The following RASSF6 variants were observed in gnomAD, a reference collection of about 807,000 sequenced individuals.
RASSF6 encodes Ras association domain family member 6, also known as ras association domain-containing protein 6.
RASSF6 carries 52 observed loss-of-function variants against 44.0 expected under a neutral mutation model. The ratio of observed to expected loss-of-function variants is 1.18; its 90% CI spans 0.95 to 1.49. RASSF6 has a LOEUF of 1.49. Ranked by LOEUF, RASSF6 falls within the 40% of genes most tolerant of loss-of-function variation. The pLI, the probability that RASSF6 is intolerant of heterozygous loss-of-function variation, is 0.00. For missense variants in RASSF6, 464 were observed against 393.3 expected (o/e 1.18, Z -1.52); for synonymous variants, 162 against 124.6 (o/e 1.30, Z -2.00).
chr4:73,611,714 A>C lies in RASSF6; in HGVS notation c.65+17T>G. 6.6e-7 allele frequency: 1 copy of C among 1,518,792 alleles called. No individual in the cohort carries two copies. Among genetic ancestry groups the C allele is most frequent in the Non-Finnish European group, 9.1e-7 (1 of 1,094,328 alleles). 94.1% of individuals were successfully genotyped at this position (1,518,792 alleles called of 1,614,324 possible). On this transcript the variant is annotated intron_variant, in intron 2 of 10. Transcript: ENST00000307439. The stretch of plus-strand genomic sequence containing the variant: ...ACTGGTGAGTAGGACAATGTATAAT[A>C]TAAGGTGTGTGGTTACCTGGTTATG...
chr4:73,582,155 T>C (rs754277254), intron 7 of RASSF6, 34 bp downstream of exon 7: 5 of 940,952 alleles, frequency 5.3e-6, no homozygotes, highest in South Asian at 1.6e-5. Flanking sequence ...TTATATATAA[T>C]ATATTTATAG....
chr4:73,618,099 G>A (rs1475743540), intron 1 of RASSF6, among the ~76,000 whole-genome samples: 2 of 152,032 alleles, frequency 1.3e-5, no homozygotes, highest in Non-Finnish European at 2.9e-5. Flanking sequence ...TTACATACAT[G>A]TTACACTATT....
chr4:73,574,111 C>A lies in RASSF6; in HGVS notation c.*2124G>T, dbSNP rs1047641467. On this transcript the variant is annotated 3_prime_UTR_variant, in exon 11 of 11. Coordinates refer to ENST00000307439, the MANE Select transcript of RASSF6 (RefSeq NM_177532.5). Reference sequence around the variant, plus strand: ...TATAACCTGGAGCCACAGTGCAAGCCGGTCCTGAAGCTCCAATTGCTGCTC... The same window carrying A: ...TATAACCTGGAGCCACAGTGCAAGCAGGTCCTGAAGCTCCAATTGCTGCTC... The A allele has an allele frequency of 6.6e-6, 1 of 152,504 alleles. No individual in the cohort carries two copies. The highest frequency in any genetic ancestry group is 1.5e-5 in the Non-Finnish European group (1 of 68,354). The allele number at this position is 152,504 out of a possible 1,614,324, so 9.4% of individuals were successfully genotyped here. A position where few individuals can be genotyped will look rare whatever the true frequency, so the allele number is the denominator to read the frequency against.
chr4:73,608,898 C>T (rs1282413741), intron 2 of RASSF6, among the ~76,000 whole-genome samples: 4 of 152,222 alleles, frequency 2.6e-5, no homozygotes, highest in African/African-American at 7.2e-5. Flanking sequence ...AACACTGGCT[C>T]TTTGTGCTTA....
At chr4:73,588,054 C>A in intron 4 of RASSF6, 120 bp from the exon 5 acceptor site, 1 of 545,974 alleles carries the variant, frequency 1.8e-6, no homozygotes. Context: ...GATATATTGT[C>A]CAAAGTTATA....
At chr4:73,598,044 A>G (rs1275589182) in intron 3 of RASSF6, among the ~76,000 whole-genome samples, 1 of 152,188 alleles carries the variant, frequency 6.6e-6, no homozygotes, top group Non-Finnish European at 1.5e-5. Flanking sequence ...GTGAAGAAAT[A>G]ATCTGTACAA....
chr4:73,590,056 A>C (rs1388458141), intron 4 of RASSF6, among the ~76,000 whole-genome samples: 1 of 152,254 alleles, frequency 6.6e-6, no homozygotes, highest in East Asian at 1.9e-4. Context: ...TAGCATAAGC[A>C]AACACAACCT....
chr4:73,592,812 T>C (rs1578038771), intron 4 of RASSF6, among the ~76,000 whole-genome samples: 1 of 152,264 alleles, frequency 6.6e-6, no homozygotes, highest in Non-Finnish European at 1.5e-5. Context: ...AATCAAATTC[T>C]GACTTTACAT....
intron 8 of RASSF6, among the ~76,000 whole-genome samples, chr4:73,581,165 C>G (rs1723618726): frequency 6.6e-6 from 1 of 152,068 alleles, no homozygotes; most frequent in Admixed American, 6.6e-5. Context: ...AACATTCTGA[C>G]ACTTAAATTA....
intron 5 of RASSF6, among the ~76,000 whole-genome samples, chr4:73,586,201 T>C (rs1174497145): frequency 6.6e-6 from 1 of 151,868 alleles, no homozygotes; most frequent in East Asian, 1.9e-4. Context: ...TCACATTATG[T>C]TCTTTTTAGA....
intron 3 of RASSF6, among the ~76,000 whole-genome samples, chr4:73,597,197 G>T (rs1019408226): frequency 6.6e-6 from 1 of 152,158 alleles, no homozygotes; most frequent in African/African-American, 2.4e-5. Context: ...TCTACAGAAT[G>T]GGAGAATATT....
intron 6 of RASSF6, among the ~76,000 whole-genome samples, chr4:73,583,752 A>G (rs1723855113): frequency 7.2e-6 from 1 of 139,116 alleles, no homozygotes; most frequent in African/African-American, 2.7e-5. Context: ...AAGCTAATGT[A>G]GACCGAGTTC....
At chr4:73,578,160 C>A (rs13135124) in intron 8 of RASSF6, among the ~76,000 whole-genome samples, 87,499 of 151,946 alleles carry the variant, frequency 0.58, 25,984 homozygotes, top group East Asian at 0.68. Context: ...ACATTTTTTT[C>A]TTATAAAAAC....
intron 1 of RASSF6, chr4:73,615,919 G>A (rs140960917): frequency 1.3e-6 from 2 of 1,550,424 alleles, no homozygotes; most frequent in Admixed American, 2.0e-5. Context: ...AATGAGGCCA[G>A]AGGACAGGAA....
At chr4:73,598,899 G>T (rs1335990810) in intron 2 of RASSF6, among the ~76,000 whole-genome samples, 181 bp from the exon 3 acceptor site, 2 of 152,178 alleles carry the variant, frequency 1.3e-5, no homozygotes. Flanking sequence ...ATCAGCAAAT[G>T]TTGAAGTTGC....
At chr4:73,608,544 T>C (rs990450463) in intron 2 of RASSF6, among the ~76,000 whole-genome samples, 1 of 152,192 alleles carries the variant, frequency 6.6e-6, no homozygotes, top group Non-Finnish European at 1.5e-5. Context: ...TCATCAAACA[T>C]GGATAATGTG....
Position 73,576,250 on chromosome 4 carries a change from T to C in RASSF6, c.999A>G (p.Thr333=). 1 of 1,553,446 alleles carries C rather than the reference T, an allele frequency of 6.4e-7. No homozygotes were observed. The highest frequency in any genetic ancestry group is 8.8e-7 in the Non-Finnish European group (1 of 1,130,314). The change falls in exon 11 of 11, where the codon ACA becomes ACG. Residue 333 remains threonine, a synonymous_variant. Transcript: ENST00000307439. The stretch of plus-strand genomic sequence containing the variant: ...GCTTGTACTGCTAAACTGTTGTCTC[T>C]GTTTTTATTACTAGTTTATTTTGAA... ...KCLQNKLVIK[T]ETTV is the part of the protein sequence containing the mutation.
chr4:73,612,222 C>G (rs762262916), intron 1 of RASSF6, among the ~76,000 whole-genome samples: 15 of 152,126 alleles, frequency 9.9e-5, no homozygotes, highest in Non-Finnish European at 1.8e-4. Context: ...CAAGCTCTGA[C>G]TTGAAGAGTT....
intron 7 of RASSF6, 79 bp from the exon 8 acceptor site, chr4:73,581,947 G>C (rs1028842233): frequency 4.8e-6 from 5 of 1,043,162 alleles, no homozygotes; most frequent in Non-Finnish European, 2.9e-6. Flanking sequence ...CCCAAATCAT[G>C]TCTGTTTTCT....
Sources: allele counts gnomAD v4.1 joint callset (sites outside exome capture counted in the v4.1 genomes callset), GRCh38; gene constraint gnomAD v4.1.1; transcripts MANE v1.5; gene names NCBI Gene and HGNC (gene_info 2026-07-23, HGNC 2026-07-21).